The following ZCWPW2 variants were observed in gnomAD, a reference collection of about 807,000 sequenced individuals.
ZCWPW2 encodes the protein zinc finger CW-type PWWP domain protein 2.
A neutral mutation model predicts 46.6 loss-of-function variants in ZCWPW2; 45 were observed. The observed-to-expected ratio is 0.96, with a 90% CI of 0.76 to 1.24. The LOEUF (loss-of-function observed/expected upper bound fraction) is 1.24. Ranked by LOEUF, ZCWPW2 falls within the 50% of genes most tolerant of loss-of-function variation. ZCWPW2 has a pLI of 0.00. For missense variants in ZCWPW2, 429 were observed against 403.9 expected, an observed-to-expected ratio of 1.06 and a Z score of -0.53; for synonymous variants, 152 against 137.1, an observed-to-expected ratio of 1.11 and a Z score of -0.76.
At chr3:28,393,384 C>A (rs889735741) in intron 2 of ZCWPW2, among the ~76,000 whole-genome samples, 1 of 152,134 alleles carries the variant, frequency 6.6e-6, no homozygotes, top group Non-Finnish European at 1.5e-5. Context: ...ATCAATCCTT[C>A]TTAAATTCTT....
At chr3:28,496,439 A>T (rs1699993909) in intron 6 of ZCWPW2, among the ~76,000 whole-genome samples, 1 of 152,056 alleles carries the variant, frequency 6.6e-6, no homozygotes, top group Non-Finnish European at 1.5e-5. Context: ...TCATTGTTTT[A>T]TAAAGAAGGT....
intron 6 of ZCWPW2, among the ~76,000 whole-genome samples, chr3:28,494,614 A>G (rs1699925227): frequency 6.7e-6 from 1 of 148,942 alleles, no homozygotes; most frequent in Non-Finnish European, 1.5e-5. Flanking sequence ...AGGGTATTCA[A>G]TTAGGAAAAG....
intron 9 of ZCWPW2, among the ~76,000 whole-genome samples, chr3:28,523,925 G>C (rs919742996): frequency 1.3e-5 from 2 of 151,978 alleles, no homozygotes; most frequent in Non-Finnish European, 2.9e-5. Flanking sequence ...AAATAAAACA[G>C]AGTTTACTGA....
intron 1 of ZCWPW2, among the ~76,000 whole-genome samples, chr3:28,384,066 G>T (rs1024453830): frequency 6.6e-6 from 1 of 152,092 alleles, no homozygotes; most frequent in Non-Finnish European, 1.5e-5. Context: ...TAGAGCCCTA[G>T]CCATTATCAT....
intron 5 of ZCWPW2, among the ~76,000 whole-genome samples, chr3:28,484,662 C>T (rs1699535575): frequency 1.3e-5 from 2 of 151,684 alleles, no homozygotes; most frequent in South Asian, 4.2e-4. Context: ...TTGTGCCTGC[C>T]TGCCTCTCTC....
At chr3:28,458,291 A>G (rs1052724601) in intron 4 of ZCWPW2, among the ~76,000 whole-genome samples, 1 of 152,228 alleles carries the variant, frequency 6.6e-6, no homozygotes, top group Admixed American at 6.5e-5. Flanking sequence ...TAAGCTTGTT[A>G]AAAAGCTAAA....
At chr3:28,388,464 T>C (rs1695362905) in intron 1 of ZCWPW2, among the ~76,000 whole-genome samples, 1 of 152,198 alleles carries the variant, frequency 6.6e-6, no homozygotes, top group African/African-American at 2.4e-5. Flanking sequence ...CTAATCCTTT[T>C]TCCAGAAGAG....
chr3:28,371,526 G>A (rs1164829516), intron 1 of ZCWPW2, among the ~76,000 whole-genome samples: 1 of 152,122 alleles, frequency 6.6e-6, no homozygotes, highest in East Asian at 1.9e-4. Flanking sequence ...TGGTATAGTG[G>A]CTCATGCCTG....
chr3:28,410,404 C>T (rs1462328453), intron 2 of ZCWPW2, among the ~76,000 whole-genome samples: 1 of 131,168 alleles, frequency 7.6e-6, no homozygotes, highest in Non-Finnish European at 1.7e-5. Context: ...TTGCACCCAA[C>T]AATTGAAAAA....
intron 4 of ZCWPW2, among the ~76,000 whole-genome samples, chr3:28,471,436 A>G (rs1699037087): frequency 6.6e-6 from 1 of 152,212 alleles, no homozygotes; most frequent in Non-Finnish European, 1.5e-5. Context: ...CCAGGGATGC[A>G]GGATTGGTTC....
chr3:28,405,081 C>CAA (rs1696105751), intron 2 of ZCWPW2, among the ~76,000 whole-genome samples: 1 of 152,092 alleles, frequency 6.6e-6, no homozygotes, highest in African/African-American at 2.4e-5. Context: ...TCACATCTCA[C>CAA]ATAAAAAAAG....
At chr3:28,379,444 A>C (rs2125708298) in intron 1 of ZCWPW2, among the ~76,000 whole-genome samples, 1 of 152,336 alleles carries the variant, frequency 6.6e-6, no homozygotes, top group Non-Finnish European at 1.5e-5. Context: ...ACAGCAAAAA[A>C]TGCCCTTAAG....
At chr3:28,473,853 C>T (rs1338811683) in intron 4 of ZCWPW2, among the ~76,000 whole-genome samples, 1 of 152,016 alleles carries the variant, frequency 6.6e-6, no homozygotes, top group Non-Finnish European at 1.5e-5. Context: ...ATCAAGAGTA[C>T]AAGGTTGGTT....
At chr3:28,490,432 A>T (rs951364307) in intron 5 of ZCWPW2, among the ~76,000 whole-genome samples, 1 of 152,158 alleles carries the variant, frequency 6.6e-6, no homozygotes, top group Admixed American at 6.6e-5. Flanking sequence ...ATGCCCATCA[A>T]TTGTAGACTG....
At position 28,424,071 on chromosome 3, in the gene ZCWPW2, T is replaced by C. The variant is rs147993839; in HGVS notation, c.332+10671T>C. Among the ~76,000 whole-genome samples, 1,007 of 152,242 alleles carry C rather than the reference T, an allele frequency of 6.6e-3. 10 individuals carry two copies. The highest frequency in any genetic ancestry group is 9.1e-3 in the Non-Finnish European group (616 of 68,010). On this transcript the variant is annotated intron_variant, in intron 3 of 9. Transcript: ENST00000383768. ...ACTATACCACCATTGCTGCTATCTT[T>C]CCAGAATTCCTTACTATTTTACATT...
At chr3:28,453,852 A>T (rs13083313) in intron 4 of ZCWPW2, among the ~76,000 whole-genome samples, 32,262 of 137,654 alleles carry the variant, frequency 0.23, 4,070 homozygotes, top group Middle Eastern at 0.32. Context: ...TTTTATTATT[A>T]TTTTTTTTTT....
Position 28,492,898 on chromosome 3 carries a change from T to C in ZCWPW2, c.657+725T>C, listed in dbSNP as rs1037601246. 2.0e-5 allele frequency among the ~76,000 whole-genome samples: 3 copies of C among 151,954 alleles called. No individual in the cohort carries two copies. The East Asian group carries it at 5.8e-4, about 29-fold the overall frequency. On this transcript the variant is annotated intron_variant, in intron 6 of 9. Transcript: ENST00000383768. Reference sequence around the variant, plus strand: ...TGGTGAGATTTCCCGTGTTGAGTGGTGAGGCAGAGCAGATCAAGGGAAGGT... The same window carrying C: ...TGGTGAGATTTCCCGTGTTGAGTGGCGAGGCAGAGCAGATCAAGGGAAGGT...
chr3:28,515,501 T>C, intron 7 of ZCWPW2, 53 bp from the exon 8 acceptor site: 3 of 1,352,760 alleles, frequency 2.2e-6, no homozygotes, highest in Non-Finnish European at 3.1e-6. Flanking sequence ...AATGGTCATT[T>C]AAATATTCAT....
chr3:28,454,453 A>G (rs1333440698), intron 4 of ZCWPW2, among the ~76,000 whole-genome samples: 1 of 152,108 alleles, frequency 6.6e-6, no homozygotes, highest in South Asian at 2.1e-4. Context: ...AGTACGCATT[A>G]TACTTCTTCA....
Sources: gnomAD v4.1 joint callset for allele counts (sites outside exome capture counted in the v4.1 genomes callset) on GRCh38, gnomAD v4.1.1 for gene constraint, MANE v1.5 for transcripts, NCBI Gene and HGNC (gene_info 2026-07-23, HGNC 2026-07-21) for gene names.